DLGAP2: variants seen among roughly 807,000 people sequenced by gnomAD.
DLGAP2 encodes the protein disks large-associated protein 2.
In DLGAP2, 26 loss-of-function variants were observed where a neutral mutation model predicts 100.3. The ratio of observed to expected loss-of-function variants is 0.26; its 90% CI spans 0.19 to 0.36. DLGAP2 has a LOEUF of 0.36. Ranked by LOEUF, DLGAP2 falls within the 10% of genes least tolerant of loss-of-function variation. DLGAP2 has a pLI of 1.00. For missense variants in DLGAP2, 1,858 were observed against 1,453.2 expected, an observed-to-expected ratio of 1.28 and a Z score of -4.53; for synonymous variants, 886 against 630.1, an observed-to-expected ratio of 1.41 and a Z score of -6.08.
At chr8:1,380,400 C>A (rs186798239) in intron 3 of DLGAP2, 2 of 152,134 alleles carry the variant, frequency 1.3e-5, no homozygotes, top group Non-Finnish European at 2.9e-5. Flanking sequence ...ACTTCAGAAG[C>A]ATTTCAGTCA....
intron 3 of DLGAP2, among the ~76,000 whole-genome samples, chr8:1,316,898 G>C (rs1396468217): frequency 3.4e-3 from 372 of 108,730 alleles, no homozygotes; most frequent in African/African-American, 0.013. Context: ...AAAATAGAGC[G>C]TGTGCGAGTG....
At position 956,184 on chromosome 8, in the gene DLGAP2, T is replaced by G. The variant is rs181048087; in HGVS notation, c.73+48218T>G. 8.9e-4 allele frequency among the ~76,000 whole-genome samples: 136 copies of G among 152,344 alleles called. 1 individual carries two copies. Among genetic ancestry groups the G allele is most frequent in the African/African-American group, 3.1e-3 (128 of 41,568 alleles). Reference sequence around the variant, plus strand: ...TCTGGTGCATTTCTTTTGAGTTTATTTCTCACGGGCTTCACTTCCTGTGCA... The same window carrying G: ...TCTGGTGCATTTCTTTTGAGTTTATGTCTCACGGGCTTCACTTCCTGTGCA... On this transcript the variant is annotated intron_variant, in intron 2 of 14. Coordinates refer to ENST00000637795, the MANE Select transcript of DLGAP2 (RefSeq NM_001346810.2).
intron 6 of DLGAP2, among the ~76,000 whole-genome samples, chr8:1,601,611 C>T (rs895787534): frequency 2.6e-5 from 4 of 151,918 alleles, no homozygotes; most frequent in Non-Finnish European, 4.4e-5. Flanking sequence ...CAGATCAGAC[C>T]GAGTCCCTGA....
At chr8:826,033 G>A (rs1197547591) in intron 1 of DLGAP2, among the ~76,000 whole-genome samples, 1 of 152,166 alleles carries the variant, frequency 6.6e-6, no homozygotes. Context: ...CATGAGTTCA[G>A]GGTTGTAATT....
intron 1 of DLGAP2, among the ~76,000 whole-genome samples, chr8:859,160 G>A (rs1257363630): frequency 2.0e-5 from 3 of 150,048 alleles, no homozygotes; most frequent in Non-Finnish European, 3.0e-5. Flanking sequence ...TGCCCAGGCT[G>A]GAGTGCAGTG....
At chr8:1,689,452 G>A (rs1799200416) in intron 12 of DLGAP2, among the ~76,000 whole-genome samples, 1 of 152,172 alleles carries the variant, frequency 6.6e-6, no homozygotes, top group African/African-American at 2.4e-5. Context: ...GTTCAAGGGG[G>A]CAAATCTCCA....
At chr8:1,271,970 C>T (rs1036483620) in intron 3 of DLGAP2, among the ~76,000 whole-genome samples, 3 of 152,006 alleles carry the variant, frequency 2.0e-5, no homozygotes, top group Non-Finnish European at 4.4e-5. Flanking sequence ...GCCAACACAC[C>T]CAGCTAGTTT....
chr8:1,150,076 A>G (rs910566430), intron 2 of DLGAP2, among the ~76,000 whole-genome samples: 5 of 152,070 alleles, frequency 3.3e-5, no homozygotes, highest in Non-Finnish European at 5.9e-5. Context: ...TTTGCTCTTC[A>G]TTTCTTCACT....
intron 4 of DLGAP2, among the ~76,000 whole-genome samples, chr8:1,520,594 C>G (rs1365052036): frequency 6.6e-6 from 1 of 152,096 alleles, no homozygotes; most frequent in Non-Finnish European, 1.5e-5. Flanking sequence ...ATTCATCCCT[C>G]CCTGCCCCCA....
chr8:822,109 G>A, intron 1 of DLGAP2: 1 of 399,348 alleles, frequency 2.5e-6, no homozygotes, highest in Non-Finnish European at 4.4e-6. Flanking sequence ...CGCCATCCGA[G>A]GCTTGGCCCT....
chr8:1,372,735 A>G (rs777613674), intron 3 of DLGAP2, among the ~76,000 whole-genome samples: 19 of 152,212 alleles, frequency 1.2e-4, no homozygotes, highest in South Asian at 2.1e-4. Context: ...AAACTGTGAT[A>G]TATTTCCAGT....
intron 13 of DLGAP2, among the ~76,000 whole-genome samples, chr8:1,694,344 G>T (rs1730654356): frequency 6.6e-6 from 1 of 152,162 alleles, no homozygotes; most frequent in South Asian, 2.1e-4. Flanking sequence ...CTGTCTGCTG[G>T]AAGTTGTTGG....
At chr8:1,506,450 G>T (rs931022506) in intron 4 of DLGAP2, among the ~76,000 whole-genome samples, 3 of 152,162 alleles carry the variant, frequency 2.0e-5, no homozygotes, top group African/African-American at 4.8e-5. Flanking sequence ...CTTCTGGTCG[G>T]TTTGTGGTCT....
At chr8:855,930 C>G (rs371663100) in intron 1 of DLGAP2, among the ~76,000 whole-genome samples, 3 of 152,050 alleles carry the variant, frequency 2.0e-5, no homozygotes, top group Admixed American at 6.6e-5. Context: ...TAACCACCCC[C>G]CAACAGCTAA....
intron 3 of DLGAP2, among the ~76,000 whole-genome samples, chr8:1,361,029 C>T (rs1801971611): frequency 6.6e-6 from 1 of 152,198 alleles, no homozygotes; most frequent in South Asian, 2.1e-4. Flanking sequence ...GGGAAGGAAA[C>T]TCTTCTGTGA....
At chr8:738,556 C>A (rs1451020358) in intron 1 of DLGAP2, 1 of 152,262 alleles carries the variant, frequency 6.6e-6, no homozygotes. Context: ...GCGGCTGTTG[C>A]TGTCTCCGGC....
At chr8:1,367,136 A>T (rs914908870) in intron 3 of DLGAP2, among the ~76,000 whole-genome samples, 1 of 152,238 alleles carries the variant, frequency 6.6e-6, no homozygotes, top group African/African-American at 2.4e-5. Flanking sequence ...TGACTATATG[A>T]CTTATGAACT....
intron 4 of DLGAP2, among the ~76,000 whole-genome samples, chr8:1,502,783 C>A (rs1056672024): frequency 6.6e-6 from 1 of 152,240 alleles, no homozygotes; most frequent in Non-Finnish European, 1.5e-5. Context: ...TGCCTTTGCA[C>A]TGTCTCTGGA....
At chr8:1,330,196 G>A (rs748179171) in intron 3 of DLGAP2, among the ~76,000 whole-genome samples, 1 of 152,178 alleles carries the variant, frequency 6.6e-6, no homozygotes, top group African/African-American at 2.4e-5. Context: ...CCCAGGGACT[G>A]AGTTCTGGGT....
Sources: allele counts gnomAD v4.1 joint callset (sites outside exome capture counted in the v4.1 genomes callset), GRCh38; gene constraint gnomAD v4.1.1; transcripts MANE v1.5; gene names NCBI Gene and HGNC (gene_info 2026-07-23, HGNC 2026-07-21).